The following GTPBP4 variants were observed in gnomAD, a reference collection of about 807,000 sequenced individuals.
GTPBP4 encodes the protein GTP binding protein 4.
Under a neutral mutation model 81.7 loss-of-function variants are expected in GTPBP4, and 15 were observed. The observed-to-expected ratio is 0.18, with a 90% CI of 0.12 to 0.28. GTPBP4 has a LOEUF of 0.28. GTPBP4 is among the 10% of genes least tolerant of loss of function. GTPBP4 has a pLI of 1.00. For synonymous variants in GTPBP4, 272 were observed against 274.6 expected (o/e 0.99, Z 0.09); for missense variants, 847 against 793.8 (o/e 1.07, Z -0.81).
chr10:1,016,696 A>C (rs1481113186), intron 16 of GTPBP4, among the ~76,000 whole-genome samples: 1 of 152,220 alleles, frequency 6.6e-6, no homozygotes, highest in Non-Finnish European at 1.5e-5. Context: ...CTGGGTATAA[A>C]GCTTGTCCTG....
At chr10:1,002,688 T>A (rs1022300623) in intron 8 of GTPBP4, among the ~76,000 whole-genome samples, 1 of 152,232 alleles carries the variant, frequency 6.6e-6, no homozygotes, top group African/African-American at 2.4e-5. Context: ...GTAATATAGT[T>A]GGCTGGCAGT....
chr10:998,980 C>G, intron 5 of GTPBP4, 23 bp from the exon 6 acceptor site: 1 of 1,346,254 alleles, frequency 7.4e-7, no homozygotes, highest in East Asian at 2.3e-5. Flanking sequence ...TGAGGTGATT[C>G]TGAAAGTTCT....
intron 5 of GTPBP4, among the ~76,000 whole-genome samples, chr10:998,571 A>G (rs1831572621): frequency 6.6e-6 from 1 of 152,232 alleles, no homozygotes; most frequent in East Asian, 1.9e-4. Flanking sequence ...TTTGGTGGCC[A>G]CTGCACTGGG....
rs1293740011 is a variant in GTPBP4, at chr10:992,652, A to C, written c.212A>C (p.Lys71Thr). ...TCACAAATTCTAACAGATTTCCCCA[A>C]ATTGGATGTAAGTGACTTAGGGGAC... ...RLSQILTDFPKLDDIHPFYAD... is the reference protein window; with the variant it reads ...RLSQILTDFPTLDDIHPFYAD... The change falls in exon 2 of 17, where the codon AAA becomes ACA. Residue 71 changes from lysine (K) to threonine (T), a missense_variant. Lys to Thr is a moderately conservative substitution (Grantham distance 78, BLOSUM62 -1). This residue lies in a region of GTPBP4 where 241 missense variants were observed against 216.3 expected (regional missense o/e 1.11). Coordinates refer to ENST00000360803, the MANE Select transcript of GTPBP4 (RefSeq NM_012341.3). 1 of 1,598,628 alleles carries C rather than the reference A, an allele frequency of 6.3e-7. No individual in the cohort carries two copies. Among genetic ancestry groups the C allele is most frequent in the Non-Finnish European group, 8.6e-7 (1 of 1,167,996 alleles).
chr10:1,000,815 C>A lies in GTPBP4; in HGVS notation c.793C>A (p.Leu265Met). ...MDLSEQCGHG[L>M]REQLELFQNI... ...TTTGTCTGAGCAGTGTGGGCATGGG[C>A]TGAGGGAGCAGCTAGAACTCTTCCA... The change falls in exon 7 of 17, where the codon CTG becomes ATG. Residue 265 changes from leucine (L) to methionine (M), a missense_variant. This residue lies in a region of GTPBP4 where 600 missense variants were observed against 557.1 expected (regional missense o/e 1.08). Transcript: ENST00000360803. 6.2e-7 allele frequency: 1 copy of A among 1,610,832 alleles called. No individual in the cohort carries two copies. Among genetic ancestry groups the A allele is most frequent in the South Asian group, 1.1e-5 (1 of 90,438 alleles).
chr10:1,000,666 G>A lies in GTPBP4; in HGVS notation c.655-11G>A. On this transcript the variant is annotated splice_polypyrimidine_tract_variant and intron_variant, in intron 6 of 16. Coordinates refer to ENST00000360803, the MANE Select transcript of GTPBP4 (RefSeq NM_012341.3). ...GAGTGTGCTTTCAGTGACAAGGTCTGGCTGTGTTAGGTTGTAGACACTCCT... is the reference window on the plus strand; with the variant it reads ...GAGTGTGCTTTCAGTGACAAGGTCTAGCTGTGTTAGGTTGTAGACACTCCT... 1 of 1,491,066 alleles carries A rather than the reference G, an allele frequency of 6.7e-7. No individual in the cohort carries two copies. The highest frequency in any genetic ancestry group is 2.3e-5 in the East Asian group (1 of 42,978). The allele number at this position is 1,491,066 out of a possible 1,614,324, so 92.4% of individuals were successfully genotyped here. A position where few individuals can be genotyped will look rare whatever the true frequency, so the allele number is the denominator to read the frequency against.
intron 8 of GTPBP4, among the ~76,000 whole-genome samples, chr10:1,002,186 G>A (rs1831647395): frequency 6.6e-6 from 1 of 152,188 alleles, no homozygotes. Flanking sequence ...GCCTCCCAGA[G>A]TGTTGGGATT....
intron 9 of GTPBP4, among the ~76,000 whole-genome samples, chr10:1,006,567 G>A (rs1281929790): frequency 6.6e-6 from 1 of 152,232 alleles, no homozygotes; most frequent in Non-Finnish European, 1.5e-5. Flanking sequence ...GAACCTGGGA[G>A]GCGGAGGTTG....
At chr10:1,011,889 G>T (rs1398690576) in intron 13 of GTPBP4, among the ~76,000 whole-genome samples, 1 of 152,228 alleles carries the variant, frequency 6.6e-6, no homozygotes, top group Non-Finnish European at 1.5e-5. Context: ...CCTCCGCACA[G>T]CTGTGCCCGT....
At chr10:1,007,948 G>T in intron 10 of GTPBP4, 1 of 518,232 alleles carries the variant, frequency 1.9e-6, no homozygotes, top group Non-Finnish European at 3.8e-6. Context: ...ACAAAGGTTG[G>T]ATTCTTGTCA....
chr10:992,431 A>G, intron 1 of GTPBP4, 58 bp from the exon 2 acceptor site: 2 of 1,107,138 alleles, frequency 1.8e-6, no homozygotes, highest in Non-Finnish European at 2.7e-6. Context: ...GGTTTCAAAT[A>G]AATGGCTCAA....
intron 2 of GTPBP4, 72 bp downstream of exon 2, chr10:992,731 G>T (rs575113555): frequency 3.5e-6 from 3 of 866,040 alleles, no homozygotes; most frequent in Non-Finnish European, 3.7e-6. Flanking sequence ...AACCAGTTTG[G>T]TGTACTCATT....
chr10:993,842 C>T (rs925426666), intron 2 of GTPBP4, among the ~76,000 whole-genome samples: 2 of 151,800 alleles, frequency 1.3e-5, no homozygotes, highest in Non-Finnish European at 2.9e-5. Context: ...TCCCTGCAAC[C>T]TCCACCTCCC....
chr10:1,009,611 A>T, intron 12 of GTPBP4, 31 bp downstream of exon 12: 1 of 1,255,062 alleles, frequency 8.0e-7, no homozygotes, highest in Non-Finnish European at 1.2e-6. Flanking sequence ...ATTATTATAA[A>T]ATGCCAATTG....
chr10:1,014,646 G>A (rs1831943012), intron 15 of GTPBP4, among the ~76,000 whole-genome samples: 1 of 151,894 alleles, frequency 6.6e-6, no homozygotes. Flanking sequence ...GCGACAGAGT[G>A]AGACTCCATC....
chr10:998,848 A>G (rs1051745201), intron 5 of GTPBP4, among the ~76,000 whole-genome samples, 155 bp from the exon 6 acceptor site: 2 of 152,122 alleles, frequency 1.3e-5, no homozygotes, highest in Non-Finnish European at 2.9e-5. Flanking sequence ...TGGTGGTGCA[A>G]AGGGAGAGGT....
chr10:998,744 A>G (rs1422302544), intron 5 of GTPBP4, among the ~76,000 whole-genome samples: 1 of 152,202 alleles, frequency 6.6e-6, no homozygotes, highest in African/African-American at 2.4e-5. Context: ...CGGGCATTGC[A>G]GGCGGTGGGG....
At chr10:1,001,077 C>G in intron 8 of GTPBP4, 64 bp downstream of exon 8, 5 of 1,155,148 alleles carry the variant, frequency 4.3e-6, no homozygotes, top group Non-Finnish European at 6.5e-6. Context: ...TCTCAGACAA[C>G]CAAAGTTTAG....
At chr10:1,004,862 C>T (rs1831696697) in intron 8 of GTPBP4, among the ~76,000 whole-genome samples, 1 of 152,152 alleles carries the variant, frequency 6.6e-6, no homozygotes, top group Non-Finnish European at 1.5e-5. Context: ...TTCCCCTGAG[C>T]AAGACATACT....
Sources: gnomAD v4.1 joint callset for allele counts (sites outside exome capture counted in the v4.1 genomes callset) on GRCh38, gnomAD v4.1.1 for gene constraint, gnomAD v4.1.1 regional missense constraint, MANE v1.5 for transcripts, NCBI Gene and HGNC (gene_info 2026-07-23, HGNC 2026-07-21) for gene names.